The following FBXW11 variants were observed in gnomAD, a reference collection of about 807,000 sequenced individuals.
FBXW11 encodes the protein F-box/WD repeat-containing protein 11.
A neutral mutation model predicts 77.6 loss-of-function variants in FBXW11; 19 were observed. The observed-to-expected ratio is 0.24, with a 90% confidence interval of 0.17 to 0.36. The LOEUF (loss-of-function observed/expected upper bound fraction) is 0.36, where lower values mean the gene tolerates loss of function less well. FBXW11 is among the 10% of genes least tolerant of loss of function. The probability of loss-of-function intolerance (pLI) is 1.00; values close to 1 mark genes in which losing one functional copy is unlikely to be tolerated. For missense variants in FBXW11, 334 were observed against 704.2 expected (o/e 0.47, Z 5.95); for synonymous variants, 235 against 249.4 (o/e 0.94, Z 0.54).
intron 2 of FBXW11, among the ~76,000 whole-genome samples, chr5:171,930,245 C>G (rs932811513): frequency 6.6e-6 from 1 of 152,124 alleles, no homozygotes; most frequent in Admixed American, 6.5e-5. Context: ...AAGGAGTGTA[C>G]AAACAAAAGG....
chr5:171,944,358 G>A (rs186512362), intron 2 of FBXW11, among the ~76,000 whole-genome samples: 5 of 151,864 alleles, frequency 3.3e-5, no homozygotes, highest in Admixed American at 6.6e-5. Context: ...GGTGGATCAC[G>A]AGGTCAGGAG....
At chr5:171,921,142 A>G (rs1761572993) in intron 2 of FBXW11, among the ~76,000 whole-genome samples, 1 of 152,204 alleles carries the variant, frequency 6.6e-6, no homozygotes, top group African/African-American at 2.4e-5. Context: ...TCTTCTGTAC[A>G]TTCCCCCTTC....
chr5:171,925,545 A>G (rs1761845675), intron 2 of FBXW11, among the ~76,000 whole-genome samples: 1 of 152,208 alleles, frequency 6.6e-6, no homozygotes, highest in Non-Finnish European at 1.5e-5. Flanking sequence ...CAGTGGCATG[A>G]TCATGGTTCA....
At chr5:171,894,454 T>C (rs1418549075) in intron 6 of FBXW11, among the ~76,000 whole-genome samples, 1 of 152,246 alleles carries the variant, frequency 6.6e-6, no homozygotes, top group Non-Finnish European at 1.5e-5. Context: ...TTTAGAATCA[T>C]TAGTTTCTTG....
At chr5:172,004,589 A>G (rs1421052270) in intron 1 of FBXW11, among the ~76,000 whole-genome samples, 1 of 152,124 alleles carries the variant, frequency 6.6e-6, no homozygotes, top group Admixed American at 6.5e-5. Flanking sequence ...CATTTTCGTT[A>G]TTTTTTAAAG....
intron 4 of FBXW11, among the ~76,000 whole-genome samples, chr5:171,905,506 T>C (rs1048226443): frequency 2.4e-4 from 37 of 151,726 alleles, no homozygotes; most frequent in African/African-American, 7.5e-4. Context: ...TCAGCAGATA[T>C]CAATGGACAA....
chr5:171,883,918 G>T (rs1363769556), intron 7 of FBXW11, among the ~76,000 whole-genome samples: 1 of 152,082 alleles, frequency 6.6e-6, no homozygotes, highest in Non-Finnish European at 1.5e-5. Flanking sequence ...ATTTGTTTGA[G>T]TTCATTGTAG....
chr5:171,969,623 C>T (rs1386036839), intron 1 of FBXW11, among the ~76,000 whole-genome samples: 1 of 152,170 alleles, frequency 6.6e-6, no homozygotes, highest in Non-Finnish European at 1.5e-5. Context: ...AAAAAGATGG[C>T]TAAATTCCTA....
chr5:171,866,470 TC>T (rs994886119), intron 13 of FBXW11, among the ~76,000 whole-genome samples: 5 of 152,032 alleles, frequency 3.3e-5, no homozygotes, highest in Admixed American at 3.3e-4. Context: ...TTCTGAGGTT[TC>T]CAAAAAAGGT....
intron 4 of FBXW11, among the ~76,000 whole-genome samples, chr5:171,900,690 GA>G (rs1241138495): frequency 2.0e-5 from 3 of 152,130 alleles, no homozygotes; most frequent in Non-Finnish European, 2.9e-5. Context: ...AATTAAAGTC[GA>G]TTGTGCTTAA....
At chr5:171,930,178 G>C (rs1405130534) in intron 2 of FBXW11, among the ~76,000 whole-genome samples, 1 of 152,208 alleles carries the variant, frequency 6.6e-6, no homozygotes, top group Non-Finnish European at 1.5e-5. Flanking sequence ...GTTGATTACA[G>C]ATAAAGAGGA....
At chr5:171,877,323 T>C (rs968634761) in intron 8 of FBXW11, among the ~76,000 whole-genome samples, 1 of 152,194 alleles carries the variant, frequency 6.6e-6, no homozygotes, top group Non-Finnish European at 1.5e-5. Context: ...AGCTTAGTTC[T>C]TGTTGACCTC....
intron 1 of FBXW11, among the ~76,000 whole-genome samples, chr5:171,978,352 G>A (rs760475206): frequency 6.6e-6 from 1 of 152,132 alleles, no homozygotes; most frequent in Non-Finnish European, 1.5e-5. Context: ...CCTGTCCAGT[G>A]GTGCCCTCCA....
At chr5:171,923,916 T>C (rs1228470091) in intron 2 of FBXW11, among the ~76,000 whole-genome samples, 1 of 97,506 alleles carries the variant, frequency 1.0e-5, no homozygotes, top group African/African-American at 4.2e-5. Context: ...CACCTTTTTT[T>C]TTTTTTTTTT....
At chr5:171,954,028 T>A (rs1763491025) in intron 2 of FBXW11, among the ~76,000 whole-genome samples, 1 of 152,212 alleles carries the variant, frequency 6.6e-6, no homozygotes, top group Admixed American at 6.5e-5. Flanking sequence ...CACGTGATCC[T>A]CACTGTCATT....
chr5:171,891,336 A>T, intron 7 of FBXW11, 131 bp downstream of exon 7: 1 of 782,728 alleles, frequency 1.3e-6, no homozygotes, highest in Non-Finnish European at 1.9e-6. Flanking sequence ...CTTTAGAACT[A>T]CACTGAGAGC....
At position 171,861,652 on chromosome 5, in the gene FBXW11, G is replaced by A. The variant is rs1031307241; in HGVS notation, c.*2475C>T. On this transcript the variant is annotated 3_prime_UTR_variant, in exon 14 of 14. Transcript: ENST00000517395. ...GGTGCACTGCATAATACCCATACTC[G>A]ATTTATTGACATTACTTAGCAATTT... 13 of 152,538 alleles carry A rather than the reference G, an allele frequency of 8.5e-5. No homozygotes were observed. Among genetic ancestry groups the A allele is most frequent in the African/African-American group, 2.9e-4 (12 of 41,404 alleles). 9.4% of individuals were successfully genotyped at this position (152,538 alleles called of 1,614,324 possible). A position where few individuals can be genotyped will look rare whatever the true frequency, so the allele number is the denominator to read the frequency against.
At chr5:171,999,910 C>A (rs1394309020) in intron 1 of FBXW11, among the ~76,000 whole-genome samples, 3 of 152,086 alleles carry the variant, frequency 2.0e-5, no homozygotes, top group Non-Finnish European at 4.4e-5. Flanking sequence ...GTTAACTCAA[C>A]CTGAGAGGGA....
intron 1 of FBXW11, chr5:171,997,124 A>C: frequency 1.6e-6 from 2 of 1,222,896 alleles, no homozygotes; most frequent in Non-Finnish European, 2.2e-6. Flanking sequence ...CAAGAAATGG[A>C]AGGAAGGGTC....
Sources: gnomAD v4.1 joint callset for allele counts (sites outside exome capture counted in the v4.1 genomes callset) on GRCh38, gnomAD v4.1.1 for gene constraint, MANE v1.5 for transcripts, NCBI Gene and HGNC (gene_info 2026-07-23, HGNC 2026-07-21) for gene names.